The following AFF4 variants were observed in gnomAD, a reference collection of about 807,000 sequenced individuals.
The protein encoded by AFF4 is AF4/FMR2 family member 4.
A neutral mutation model predicts 124.8 loss-of-function variants in AFF4; 13 were observed. The observed-to-expected ratio is 0.10, with a 90% CI of 0.07 to 0.17. The LOEUF is 0.17. AFF4 is among the 10% of genes least tolerant of loss of function. The pLI is 1.00. For synonymous variants in AFF4, 477 were observed against 496.1 expected, an observed-to-expected ratio of 0.96 and a Z score of 0.51; for missense variants, 1,092 against 1,403.8, an observed-to-expected ratio of 0.78 and a Z score of 3.55.
At chr5:132,897,271 T>C in intron 10 of AFF4, 31 bp from the exon 11 acceptor site, 3 of 1,592,876 alleles carry the variant, frequency 1.9e-6, no homozygotes, top group South Asian at 2.3e-5. Context: ...TATGCTTTTT[T>C]CGATACTGAA....
intron 10 of AFF4, 67 bp from the exon 11 acceptor site, chr5:132,897,307 C>A: frequency 5.9e-6 from 9 of 1,524,918 alleles, no homozygotes; most frequent in Non-Finnish European, 8.0e-6. Context: ...CCCTCCTTTA[C>A]AACCTCAAAG....
intron 5 of AFF4, among the ~76,000 whole-genome samples, chr5:132,917,863 C>T (rs1266852210): frequency 1.3e-5 from 2 of 149,272 alleles, no homozygotes; most frequent in African/African-American, 4.9e-5. Flanking sequence ...CAGGTGTGTG[C>T]CACCGCACAC....
rs187245191 is a variant in AFF4 at position 132,938,248 on chromosome 5, G to A, written c.-4-1055C>T. Among the ~76,000 whole-genome samples, 814 of 151,760 alleles carry A rather than the reference G, an allele frequency of 5.4e-3. 4 individuals carry two copies. Among genetic ancestry groups the A allele is most frequent in the Middle Eastern group, 0.027 (8 of 294 alleles). On this transcript the variant is annotated intron_variant, in intron 1 of 20. Coordinates refer to ENST00000265343, the MANE Select transcript of AFF4 (RefSeq NM_014423.4). ...AACTATAATTATAAAATTAGAATTA[G>A]TAACAAAGCAGTATTATACTCTTTT...
chr5:132,948,857 AC>A (rs1311340561), intron 1 of AFF4: 1 of 152,764 alleles, frequency 6.5e-6, no homozygotes, highest in African/African-American at 2.4e-5. Context: ...AAATGTTCAT[AC>A]CACATTTGAA....
At chr5:132,954,371 A>G (rs1761907404) in intron 1 of AFF4, among the ~76,000 whole-genome samples, 1 of 152,122 alleles carries the variant, frequency 6.6e-6, no homozygotes, top group Non-Finnish European at 1.5e-5. Flanking sequence ...GGGGTGGCTC[A>G]CTTGCTTACC....
chr5:132,928,773 G>T (rs58075574), intron 4 of AFF4, among the ~76,000 whole-genome samples: 2,375 of 152,264 alleles, frequency 0.016, 68 homozygotes, highest in African/African-American at 0.055. Flanking sequence ...CCTAGTTAAT[G>T]TTTAGCTTTG....
chr5:132,945,786 C>A (rs1364508753), intron 1 of AFF4, among the ~76,000 whole-genome samples: 1 of 151,654 alleles, frequency 6.6e-6, no homozygotes, highest in East Asian at 2.0e-4. Context: ...ACAGGCCGGG[C>A]ACGGTGGCTC....
Position 132,899,459 on chromosome 5 carries a change from C to CA in AFF4, c.1188+127dup. The CA allele has an allele frequency of 3.4e-6, 3 of 889,086 alleles. No homozygotes were observed. In the East Asian group the frequency reaches 8.6e-5, roughly 25 times the overall value. The allele number at this position is 889,086 out of a possible 1,614,324, so 55.1% of individuals were successfully genotyped here. Reference sequence around the variant, plus strand: ...TTAAAAACAGAGAAGAAAACTACAACATTTCAGTGTCAGAAAGCTTATAAG... The same window carrying CA: ...TTAAAAACAGAGAAGAAAACTACAACAATTTCAGTGTCAGAAAGCTTATAAG... On this transcript the variant is annotated intron_variant, in intron 8 of 20. Coordinates refer to ENST00000265343, the MANE Select transcript of AFF4 (RefSeq NM_014423.4).
chr5:132,892,109 A>T (rs746886021), intron 13 of AFF4, 55 bp downstream of exon 13: 1 of 1,613,614 alleles, frequency 6.2e-7, no homozygotes, highest in South Asian at 1.1e-5. Flanking sequence ...CACCCTGGAA[A>T]AGTCACATGG....
intron 1 of AFF4, among the ~76,000 whole-genome samples, chr5:132,962,619 A>G (rs1238866212): frequency 6.6e-6 from 1 of 152,080 alleles, no homozygotes; most frequent in Non-Finnish European, 1.5e-5. Context: ...GTCAATTACG[A>G]GATTAACCCC....
intron 1 of AFF4, among the ~76,000 whole-genome samples, chr5:132,950,946 G>C (rs1761830271): frequency 6.6e-6 from 1 of 152,086 alleles, no homozygotes; most frequent in Non-Finnish European, 1.5e-5. Context: ...CAAAGGCCAG[G>C]CATGGTGGCT....
intron 7 of AFF4, among the ~76,000 whole-genome samples, chr5:132,901,802 G>A (rs1317790938): frequency 6.6e-6 from 1 of 152,120 alleles, no homozygotes. Flanking sequence ...ACTCTCAGAT[G>A]AGAAAAAACC....
At chr5:132,895,915 T>C (rs1203797282) in intron 11 of AFF4, among the ~76,000 whole-genome samples, 1 of 152,062 alleles carries the variant, frequency 6.6e-6, no homozygotes, top group Admixed American at 6.5e-5. Context: ...ATTAGTTATT[T>C]AAGTGTGACT....
intron 1 of AFF4, among the ~76,000 whole-genome samples, chr5:132,942,209 C>G (rs1415524105): frequency 6.6e-6 from 1 of 152,148 alleles, no homozygotes; most frequent in Non-Finnish European, 1.5e-5. Flanking sequence ...AATCAGGGTT[C>G]TGCAACCCCT....
rs559597763 is a variant in AFF4 at position 132,911,745 on chromosome 5, C to G, written c.1051-7341G>C. ...ACTATAAGACCAAAATTTCAAGAAG[C>G]TGAACAAACCTCAAGCACGAGAAAG... On this transcript the variant is annotated intron_variant, in intron 5 of 20. Transcript: ENST00000265343. Among the ~76,000 whole-genome samples the G allele has an allele frequency of 7.0e-4, 106 of 150,486 alleles. 1 individual carries two copies. Among genetic ancestry groups the G allele is most frequent in the African/African-American group, 2.3e-3 (96 of 40,998 alleles).
chr5:132,898,050 G>T (rs1039656888), intron 10 of AFF4, among the ~76,000 whole-genome samples, 180 bp downstream of exon 10: 9 of 152,162 alleles, frequency 5.9e-5, no homozygotes, highest in Admixed American at 3.3e-4. Context: ...AATCTAGACC[G>T]AATTTGTTCA....
intron 5 of AFF4, 35 bp downstream of exon 5, chr5:132,927,086 T>C (rs1167494688): frequency 1.3e-6 from 2 of 1,572,844 alleles, no homozygotes; most frequent in Non-Finnish European, 1.7e-6. Context: ...TTTAGAGTTT[T>C]CTTACATTAT....
At chr5:132,914,538 T>C (rs919480682) in intron 5 of AFF4, among the ~76,000 whole-genome samples, 11 of 149,298 alleles carry the variant, frequency 7.4e-5, no homozygotes, top group Admixed American at 5.3e-4. Flanking sequence ...AAGGTGGAGG[T>C]TGCAGTGAGC....
chr5:132,935,758 GAAAA>G (rs765780057), intron 2 of AFF4, among the ~76,000 whole-genome samples: 1 of 106,156 alleles, frequency 9.4e-6, no homozygotes. Flanking sequence ...CTCCATCTCC[GAAAA>G]AAAAAAAAAA....
Sources: gnomAD v4.1 joint callset for allele counts (sites outside exome capture counted in the v4.1 genomes callset) on GRCh38, gnomAD v4.1.1 for gene constraint, MANE v1.5 for transcripts, NCBI Gene and HGNC (gene_info 2026-07-23, HGNC 2026-07-21) for gene names.